The following ZBED5 variants were observed in gnomAD, a reference collection of about 807,000 sequenced individuals.
The protein encoded by ZBED5 is zinc finger BED-type containing 5, also known as zinc finger BED domain-containing protein 5.
In ZBED5, 29 loss-of-function variants were observed where a neutral mutation model predicts 49.2. The observed-to-expected ratio is 0.59, with a 90% CI of 0.44 to 0.80. The LOEUF (loss-of-function observed/expected upper bound fraction) is 0.80. ZBED5 is among the 30% of genes least tolerant of loss of function. The pLI, the probability that ZBED5 is intolerant of heterozygous loss-of-function variation, is 0.00. For missense variants in ZBED5, 775 were observed against 812.9 expected (o/e 0.95, Z 0.57); for synonymous variants, 281 against 292.5 (o/e 0.96, Z 0.40).
Position 10,853,274 on chromosome 11 carries a change from C to T in ZBED5, c.1672G>A (p.Ala558Thr), listed in dbSNP as rs535407260. 7.7e-5 allele frequency: 119 copies of T among 1,551,562 alleles called. No individual in the cohort carries two copies. The East Asian group carries it at 2.6e-3, about 33-fold the overall frequency. ...AIVQHLRGLR[A>T]TLLKYFPVTN... ...ACAGGAAAGTATTTTAACAGAGTAG[C>T]GCGCAAACCCCTTAGGTGCTGCACA... is the stretch of plus-strand genomic sequence containing the variant. The change falls in exon 3 of 3, where the codon GCT (alanine) becomes ACT (threonine). Residue 558 changes from alanine (A) to threonine (T), a missense_variant. By Grantham distance (58) the Ala-to-Thr change is moderately conservative. Transcript: ENST00000413761. The surrounding 1 kb of genome is among the most constrained non-coding windows in gnomAD (Gnocchi z 5.4).
Position 10,853,992 on chromosome 11 carries a change from T to C in ZBED5, c.954A>G (p.Glu318=). The change falls in exon 3 of 3, where the codon GAA becomes GAG. Residue 318 remains glutamate, a synonymous_variant. Coordinates refer to ENST00000413761, the MANE Select transcript of ZBED5 (RefSeq NM_001143667.2). The surrounding 1 kb of genome is among the most constrained non-coding windows in gnomAD (Gnocchi z 5.4). ...AACTGTTGATACAGTTGAATATTTC[T>C]TCACCGGTAGCATTACTTTGCAAAG... The part of the protein sequence containing the change: ...CESLQSNATG[E]EIFNCINSFM... The C allele has an allele frequency of 6.4e-7, 1 of 1,551,592 alleles. No homozygotes were observed.
At position 10,852,780 on chromosome 11, in the gene ZBED5, C is replaced by A. The variant is rs1360146775; in HGVS notation, c.*84G>T. ...AAAAATGGAATCATTTTATTTAAAT[C>A]CCCCAAATACCAGAGATGAAGTAAA... On this transcript the variant is annotated 3_prime_UTR_variant, in exon 3 of 3. Transcript: ENST00000413761. 6 of 1,406,150 alleles carry A rather than the reference C, an allele frequency of 4.3e-6. No homozygotes were observed. The highest frequency in any genetic ancestry group is 5.6e-6 in the Non-Finnish European group (6 of 1,077,268). The allele number at this position is 1,406,150 out of a possible 1,614,324, so 87.1% of individuals were successfully genotyped here.
Position 10,853,356 on chromosome 11 carries a change from G to C in ZBED5, c.1590C>G (p.Leu530=). 9.7e-6 allele frequency: 15 copies of C among 1,551,536 alleles called. No homozygotes were observed. Among genetic ancestry groups the C allele is most frequent in the Non-Finnish European group, 1.3e-5 (15 of 1,146,914 alleles). ...EEENFDCFPT[L]SDFLTEINST... is the part of the protein sequence containing the mutation. ...AATTAATTTCAGTCAAAAAATCACTGAGTGTAGGAAAACAATCAAAGTTTT... is the reference window on the plus strand; with the variant it reads ...AATTAATTTCAGTCAAAAAATCACTCAGTGTAGGAAAACAATCAAAGTTTT... The change falls in exon 3 of 3, where the codon CTC becomes CTG. Residue 530 remains leucine, a synonymous_variant. Transcript: ENST00000413761. This position sits in a 1 kb window ranked among gnomAD's most constrained non-coding sequence, Gnocchi z 5.4.
In ZBED5 at chr11:10,852,837, T is replaced by C; in HGVS notation, c.*27A>G. On this transcript the variant is annotated 3_prime_UTR_variant, in exon 3 of 3. Transcript: ENST00000413761. ...TTTATTTTCATCTTACATTTGGTTA[T>C]CATGAGACATGCAAACTCCTCCAAT... 1 of 1,487,772 alleles carries C rather than the reference T, an allele frequency of 6.7e-7. No homozygotes were observed. The highest frequency in any genetic ancestry group is 9.0e-7 in the Non-Finnish European group (1 of 1,110,644). The allele number at this position is 1,487,772 out of a possible 1,614,324, so 92.2% of individuals were successfully genotyped here. A position where few individuals can be genotyped will look rare whatever the true frequency, so the allele number is the denominator to read the frequency against.
chr11:10,853,403 A>C lies in ZBED5; in HGVS notation c.1543T>G (p.Trp515Gly). 6.5e-7 allele frequency: 1 copy of C among 1,549,810 alleles called. No individual in the cohort carries two copies. Among genetic ancestry groups the C allele is most frequent in the Non-Finnish European group, 8.7e-7 (1 of 1,146,140 alleles). The change falls in exon 3 of 3, where the codon TGG becomes GGG. Residue 515 changes from tryptophan to glycine, a missense_variant. Transcript: ENST00000413761. The surrounding 1 kb of genome is among the most constrained non-coding windows in gnomAD (Gnocchi z 5.4). ...MSSLLRKLEF[W>G]ASSVEEENFD... ...TTTTCTTCTTCTACAGATGAGGCCC[A>C]AAATTCCAATTTTCTTAACAATGAC...
At position 10,853,810 on chromosome 11, in the gene ZBED5, A is replaced by G. The variant is rs1848136992; in HGVS notation, c.1136T>C (p.Leu379Pro). 6.4e-7 allele frequency: 1 copy of G among 1,551,534 alleles called. No individual in the cohort carries two copies. The highest frequency in any genetic ancestry group is 8.7e-7 in the Non-Finnish European group (1 of 1,146,944). The change falls in exon 3 of 3, where the codon CTG (leucine) becomes CCG (proline). Residue 379 changes from leucine to proline, a missense_variant. Physicochemically the swap from Leu to Pro is moderately conservative, Grantham distance 98. Transcript: ENST00000413761. The surrounding 1 kb of genome is among the most constrained non-coding windows in gnomAD (Gnocchi z 5.4). ...SSHCLLYRHA[L>P]AVKIMPTSLK... The stretch of plus-strand genomic sequence containing the variant: ...AGATGTAGGCATTATTTTAACTGCC[A>G]GTGCATGTCTGTATAATAGGCAGTG...
chr11:10,854,547 T>A lies in ZBED5; in HGVS notation c.399A>T (p.Val133=). Residue 133 remains valine, a synonymous_variant, in exon 3 of 3, where the codon GTA becomes GTT. Coordinates refer to ENST00000413761, the MANE Select transcript of ZBED5 (RefSeq NM_001143667.2). The surrounding 1 kb of genome is among the most constrained non-coding windows in gnomAD (Gnocchi z 5.0). Reference sequence around the variant, plus strand: ...TATTTGATAAAATTTTCTTACATAATACACACTGAGCATGAGGTGCATCTC... The same window carrying A: ...TATTTGATAAAATTTTCTTACATAAAACACACTGAGCATGAGGTGCATCTC... ...GNRDAPHAQC[V]LCKKILSNSS... The A allele has an allele frequency of 6.4e-7, 1 of 1,551,546 alleles. No homozygotes were observed.
rs766585902 is a variant in ZBED5, at chr11:10,853,454, C to T, written c.1492G>A (p.Val498Ile). ...NLSMQGKNVTVFTVFDKMSSL... is the reference protein window; with the variant it reads ...NLSMQGKNVTIFTVFDKMSSL... ...GACATTTTATCAAATACTGTAAAAA[C>T]GGTCACATTTTTTCCTTGCATTGAC... is the stretch of plus-strand genomic sequence containing the variant. Residue 498 changes from valine (V) to isoleucine (I), a missense_variant, in exon 3 of 3, where the codon GTT becomes ATT. Physicochemically the swap from Val to Ile is conservative, Grantham distance 29. Coordinates refer to ENST00000413761, the MANE Select transcript of ZBED5 (RefSeq NM_001143667.2). The surrounding 1 kb of genome is among the most constrained non-coding windows in gnomAD (Gnocchi z 5.4). 13 of 1,550,444 alleles carry T rather than the reference C, an allele frequency of 8.4e-6. 1 individual carries two copies. Among genetic ancestry groups the T allele is most frequent in the South Asian group, 6.0e-5 (5 of 83,862 alleles).
Position 10,853,306 on chromosome 11 carries a change from C to T in ZBED5, c.1640G>A (p.Ser547Asn), listed in dbSNP as rs149344014. Residue 547 changes from serine to asparagine, a missense_variant, in exon 3 of 3, where the codon AGT (serine) becomes AAT (asparagine). Transcript: ENST00000413761. This position sits in a 1 kb window ranked among gnomAD's most constrained non-coding sequence, Gnocchi z 5.4. The stretch of plus-strand genomic sequence containing the variant: ...ACCCCTTAGGTGCTGCACAATGGCA[C>T]TGCAAATATCTTTATCAACTGTAGA... The part of the protein sequence containing the change: ...INSTVDKDIC[S>N]AIVQHLRGLR... The T allele has an allele frequency of 4.0e-3, 6,130 of 1,551,618 alleles. 43 individuals carry two copies. Among genetic ancestry groups the T allele is most frequent in the Middle Eastern group, 0.025 (149 of 5,992 alleles).
Position 10,852,909 on chromosome 11 carries a change from A to C in ZBED5, c.2037T>G (p.Ile679Met). ...RIRLSNITPN[I>M]KRICDKKTQK... ...GTGTCTTTTTATCACATATCCGCTT[A>C]ATATTAGGTGTAATATTGCTAAGTC... The change falls in exon 3 of 3, where the codon ATT becomes ATG. Residue 679 changes from isoleucine (I) to methionine (M), a missense_variant. Physicochemically the swap from Ile to Met is conservative, Grantham distance 10. Coordinates refer to ENST00000413761, the MANE Select transcript of ZBED5 (RefSeq NM_001143667.2). 3 of 1,548,108 alleles carry C rather than the reference A, an allele frequency of 1.9e-6. No individual in the cohort carries two copies. The highest frequency in any genetic ancestry group is 2.6e-6 in the Non-Finnish European group (3 of 1,143,908).
At position 10,853,816 on chromosome 11, in the gene ZBED5, T is replaced by C. The variant is rs761846696; in HGVS notation, c.1130A>G (p.His377Arg). The change falls in exon 3 of 3, where the codon CAT (histidine) becomes CGT (arginine). Residue 377 changes from histidine (H) to arginine (R), a missense_variant. Transcript: ENST00000413761. The surrounding 1 kb of genome is among the most constrained non-coding windows in gnomAD (Gnocchi z 5.4). The stretch of plus-strand genomic sequence containing the variant: ...AGGCATTATTTTAACTGCCAGTGCA[T>C]GTCTGTATAATAGGCAGTGACTACT... ...STSSHCLLYR[H>R]ALAVKIMPTS... The C allele has an allele frequency of 5.8e-6, 9 of 1,551,518 alleles. No individual in the cohort carries two copies. The highest frequency in any genetic ancestry group is 7.8e-6 in the Non-Finnish European group (9 of 1,146,948).
Position 10,852,768 on chromosome 11 carries a change from T to C in ZBED5, c.*96A>G. Reference sequence around the variant, plus strand: ...TAAATAGTATAAAAAAATGGAATCATTTTATTTAAATCCCCCAAATACCAG... The same window carrying C: ...TAAATAGTATAAAAAAATGGAATCACTTTATTTAAATCCCCCAAATACCAG... On this transcript the variant is annotated 3_prime_UTR_variant, in exon 3 of 3. Transcript: ENST00000413761. 3 of 1,406,830 alleles carry C rather than the reference T, an allele frequency of 2.1e-6. No homozygotes were observed. The highest frequency in any genetic ancestry group is 2.8e-6 in the Non-Finnish European group (3 of 1,078,456). The allele number at this position is 1,406,830 out of a possible 1,614,324, so 87.1% of individuals were successfully genotyped here.
rs746360399 is a variant in ZBED5 at position 10,853,883 on chromosome 11, C to A, written c.1063G>T (p.Glu355Ter). Residue 355 changes from glutamate to a stop codon, truncating the protein, a stop_gained, in exon 3 of 3, where the codon GAA becomes TAA. Coordinates refer to ENST00000413761, the MANE Select transcript of ZBED5 (RefSeq NM_001143667.2). LOFTEE classifies it high-confidence loss of function. The surrounding 1 kb of genome is among the most constrained non-coding windows in gnomAD (Gnocchi z 5.4). ...ASRAVDGKIA[E>*]AVTLIKYVAP... The stretch of plus-strand genomic sequence containing the variant: ...ACATATTTTATTAAGGTGACAGCTT[C>A]GGCAATTTTCCCATCCACTGCCCTA... The A allele has an allele frequency of 6.4e-7, 1 of 1,551,488 alleles. No homozygotes were observed. The highest frequency in any genetic ancestry group is 8.7e-7 in the Non-Finnish European group (1 of 1,146,956).
chr11:10,854,646 T>A lies in ZBED5; in HGVS notation c.300A>T (p.Thr100=), dbSNP rs1490141404. The change falls in exon 3 of 3, where the codon ACA becomes ACT. Residue 100 remains threonine (T), a synonymous_variant. Coordinates refer to ENST00000413761, the MANE Select transcript of ZBED5 (RefSeq NM_001143667.2). The surrounding 1 kb of genome is among the most constrained non-coding windows in gnomAD (Gnocchi z 5.0). ...TTCTTCTTTTTGGTTTTTTACTAAA[T>A]GTTATTTTGTTGGAATTGGATATAA... is the stretch of plus-strand genomic sequence containing the variant. ...VKFISNSNKI[T]FSKKPKRRKY... 2.6e-6 allele frequency: 4 copies of A among 1,551,202 alleles called. No homozygotes were observed. The highest frequency in any genetic ancestry group is 3.5e-6 in the Non-Finnish European group (4 of 1,146,844).
Position 10,857,664 on chromosome 11 carries a change from C to G in ZBED5, c.-256+198G>C, listed in dbSNP as rs1848202523. 6.6e-6 allele frequency: 1 copy of G among 152,448 alleles called. No individual in the cohort carries two copies. 9.4% of individuals were successfully genotyped at this position (152,448 alleles called of 1,614,324 possible). A position where few individuals can be genotyped will look rare whatever the true frequency, so the allele number is the denominator to read the frequency against. On this transcript the variant is annotated intron_variant, in intron 1 of 2. Transcript: ENST00000413761. This position sits in a 1 kb window ranked among gnomAD's most constrained non-coding sequence, Gnocchi z 6.3. ...GGGCGGCCGCCTGCGCTAACGACCA[C>G]ATGAAAACGTCTCAGCACCCAACAC...
At position 10,855,024 on chromosome 11, in the gene ZBED5, C is replaced by T. The variant is rs371802520; in HGVS notation, c.-79G>A. 4.1e-6 allele frequency: 6 copies of T among 1,477,070 alleles called. No individual in the cohort carries two copies. The highest frequency in any genetic ancestry group is 2.3e-5 in the Admixed American group (1 of 44,204). 91.5% of individuals were successfully genotyped at this position (1,477,070 alleles called of 1,614,324 possible). A position where few individuals can be genotyped will look rare whatever the true frequency, so the allele number is the denominator to read the frequency against. On this transcript the variant is annotated 5_prime_UTR_variant, in exon 3 of 3. Coordinates refer to ENST00000413761, the MANE Select transcript of ZBED5 (RefSeq NM_001143667.2). The surrounding 1 kb of genome is among the most constrained non-coding windows in gnomAD (Gnocchi z 4.1). ...ATCAATGCGCAGATGGAACATCATA[C>T]GTTCATGTATCAGGTGATCTCTCAT...
In ZBED5 at chr11:10,852,874, C is replaced by G. The variant is rs1204309670; in HGVS notation, c.2072G>C (p.Cys691Ser). Residue 691 changes from cysteine to serine, a missense_variant, in exon 3 of 3, where the codon TGT (cysteine) becomes TCT (serine). Cys to Ser is a moderately radical substitution (Grantham distance 112, BLOSUM62 -1). Coordinates refer to ENST00000413761, the MANE Select transcript of ZBED5 (RefSeq NM_001143667.2). ...CAAACTCCTCCAATTTTAATGAGAA[C>G]AGTGTTTTTGTGTCTTTTTATCACA... is the stretch of plus-strand genomic sequence containing the variant. The part of the protein sequence containing the change: ...RICDKKTQKH[C>S]SH 1 of 1,530,144 alleles carries G rather than the reference C, an allele frequency of 6.5e-7. No homozygotes were observed. The highest frequency in any genetic ancestry group is 2.0e-5 in the Admixed American group (1 of 50,110). 94.8% of individuals were successfully genotyped at this position (1,530,144 alleles called of 1,614,324 possible). A position where few individuals can be genotyped will look rare whatever the true frequency, so the allele number is the denominator to read the frequency against.
In ZBED5 at chr11:10,853,689, C is replaced by CATTT; in HGVS notation, c.1253_1256dup (p.Met419IlefsTer22). 6.4e-7 allele frequency: 1 copy of CATTT among 1,551,666 alleles called. No homozygotes were observed. Among genetic ancestry groups the CATTT allele is most frequent in the East Asian group, 2.4e-5 (1 of 40,920 alleles). On this transcript the variant is annotated frameshift_variant, in exon 3 of 3. Coordinates refer to ENST00000413761, the MANE Select transcript of ZBED5 (RefSeq NM_001143667.2). LOFTEE classifies it high-confidence loss of function. The surrounding 1 kb of genome is among the most constrained non-coding windows in gnomAD (Gnocchi z 5.4). ...GAAGAAGTGCTGTGTGCTGAGCACCCATTTCCTCACATAAAATTTTTAATA... is the reference window on the plus strand; with the variant it reads ...GAAGAAGTGCTGTGTGCTGAGCACCCATTTATTTCCTCACATAAAATTTTTAATA...
In ZBED5 at chr11:10,853,622, C is replaced by G. The variant is rs1316983037; in HGVS notation, c.1324G>C (p.Val442Leu). 4 of 1,551,580 alleles carry G rather than the reference C, an allele frequency of 2.6e-6. No individual in the cohort carries two copies. Among genetic ancestry groups the G allele is most frequent in the Non-Finnish European group, 3.5e-6 (4 of 1,146,936 alleles). Residue 442 changes from valine (V) to leucine (L), a missense_variant, in exon 3 of 3, where the codon GTA (valine) becomes CTA (leucine). Val to Leu is a conservative substitution (Grantham distance 32). Transcript: ENST00000413761. The surrounding 1 kb of genome is among the most constrained non-coding windows in gnomAD (Gnocchi z 5.4). ...TCACGACGAAGTTCAAAAAGTCTTA[C>G]AAGAACTTTACCTCGAGAAAGCCAC... The part of the protein sequence containing the change: ...VRWLSRGKVL[V>L]RLFELRRELL...
Sources: allele counts gnomAD v4.1 joint callset, GRCh38; gene constraint gnomAD v4.1.1; non-coding constraint Gnocchi (gnomAD v3.1); transcripts MANE v1.5; gene names NCBI Gene and HGNC (gene_info 2026-07-23, HGNC 2026-07-21).